The following PTDSS1 variants were observed in gnomAD, a reference collection of about 807,000 sequenced individuals.
The protein encoded by PTDSS1 is phosphatidylserine synthase 1.
Under a neutral mutation model 70.5 loss-of-function variants are expected in PTDSS1, and 45 were observed. The observed-to-expected ratio is 0.64, with a 90% CI of 0.50 to 0.82. The LOEUF (loss-of-function observed/expected upper bound fraction) is 0.82, where lower values mean the gene tolerates loss of function less well. PTDSS1 is among the 40% of genes least tolerant of loss of function. The pLI, the probability that PTDSS1 is intolerant of heterozygous loss-of-function variation, is 0.00. For missense variants in PTDSS1, 417 were observed against 586.1 expected, an observed-to-expected ratio of 0.71 and a Z score of 2.98; for synonymous variants, 188 against 203.8, an observed-to-expected ratio of 0.92 and a Z score of 0.66.
chr8:96,315,701 C>T (rs940312352), intron 9 of PTDSS1, among the ~76,000 whole-genome samples: 2 of 152,166 alleles, frequency 1.3e-5, no homozygotes, highest in African/African-American at 4.8e-5. Context: ...GCAGAAGCAC[C>T]TCAGGCTGCC....
chr8:96,284,024 A>G, intron 2 of PTDSS1, 85 bp from the exon 3 acceptor site: 1 of 1,082,924 alleles, frequency 9.2e-7, no homozygotes, highest in Non-Finnish European at 1.4e-6. Context: ...TCTTCTTGTT[A>G]TCTGTATGGA....
rs1811569677 is a variant in PTDSS1, at chr8:96,334,594, A to G, written c.*1028A>G. 2 of 152,632 alleles carry G rather than the reference A, an allele frequency of 1.3e-5. No individual in the cohort carries two copies. The highest frequency in any genetic ancestry group is 4.1e-4 in the South Asian group (2 of 4,828). 9.5% of individuals were successfully genotyped at this position (152,632 alleles called of 1,614,324 possible). ...GCTCATTTTCTTGCATCTTACTGGT[A>G]TCTTCTATTGATTGTAAGCAGTCTG... is the stretch of plus-strand genomic sequence containing the variant. On this transcript the variant is annotated 3_prime_UTR_variant, in exon 13 of 13. Transcript: ENST00000517309.
intron 4 of PTDSS1, among the ~76,000 whole-genome samples, chr8:96,289,603 A>G (rs568253395): frequency 3.3e-5 from 5 of 152,172 alleles, no homozygotes; most frequent in East Asian, 3.9e-4. Context: ...TTCTTTTCCA[A>G]TGTTTTTTAA....
At chr8:96,302,267 G>A (rs1261774151) in intron 6 of PTDSS1, among the ~76,000 whole-genome samples, 1 of 152,066 alleles carries the variant, frequency 6.6e-6, no homozygotes. Context: ...CCCAACCTCA[G>A]GTGATCTGCC....
At chr8:96,276,283 A>C (rs1810639728) in intron 2 of PTDSS1, among the ~76,000 whole-genome samples, 1 of 152,198 alleles carries the variant, frequency 6.6e-6, no homozygotes, top group Non-Finnish European at 1.5e-5. Context: ...AAAGGCACTG[A>C]AGGTTAGGGG....
chr8:96,307,091 T>C (rs1168633072), intron 8 of PTDSS1, among the ~76,000 whole-genome samples: 4 of 152,172 alleles, frequency 2.6e-5, no homozygotes, highest in African/African-American at 9.7e-5. Context: ...TGTGGGGCCC[T>C]AGAGGTGAGG....
chr8:96,291,452 C>CTTTT (rs200644968), intron 4 of PTDSS1, among the ~76,000 whole-genome samples: 2 of 123,632 alleles, frequency 1.6e-5, no homozygotes, highest in Admixed American at 8.2e-5. Flanking sequence ...ATGGGCTTTT[C>CTTTT]TTTTTTTTTT....
Position 96,323,502 on chromosome 8 carries a change from T to A in PTDSS1, c.1173+3157T>A, listed in dbSNP as rs537464651. ...ACCACCATGGGTTATAGCTTATCCCTCCCAGAGTGGTAGCCCAAGCCACAC... is the reference window on the plus strand; with the variant it reads ...ACCACCATGGGTTATAGCTTATCCCACCCAGAGTGGTAGCCCAAGCCACAC... On this transcript the variant is annotated intron_variant, in intron 10 of 12. Coordinates refer to ENST00000517309, the MANE Select transcript of PTDSS1 (RefSeq NM_014754.3). 5.9e-5 allele frequency among the ~76,000 whole-genome samples: 9 copies of A among 152,242 alleles called. No individual in the cohort carries two copies. In the South Asian group the frequency reaches 1.5e-3, roughly 25 times the overall value.
In PTDSS1 at chr8:96,331,012, GTCTC is replaced by G; in HGVS notation, c.1243-9_1243-6del. On this transcript the variant is annotated splice_polypyrimidine_tract_variant and intron_variant, in intron 11 of 12. Transcript: ENST00000517309. Reference sequence around the variant, plus strand: ...TTCCTAAAATTCCTGCACTAAGCCTGTCTCTCTCCCTAGACCTACTCGGAGTGTG... The same window carrying G: ...TTCCTAAAATTCCTGCACTAAGCCTGTCTCCCTAGACCTACTCGGAGTGTG... The G allele has an allele frequency of 6.2e-7, 1 of 1,609,028 alleles. No homozygotes were observed. The highest frequency in any genetic ancestry group is 8.5e-7 in the Non-Finnish European group (1 of 1,175,542).
At chr8:96,274,414 G>A (rs1024473042) in intron 2 of PTDSS1, among the ~76,000 whole-genome samples, 6 of 151,966 alleles carry the variant, frequency 3.9e-5, no homozygotes, top group African/African-American at 7.3e-5. Flanking sequence ...TTTGAGATAC[G>A]AGTCATCTAG....
At chr8:96,317,319 C>T (rs1325243640) in intron 9 of PTDSS1, among the ~76,000 whole-genome samples, 1 of 151,754 alleles carries the variant, frequency 6.6e-6, no homozygotes, top group Non-Finnish European at 1.5e-5. Context: ...CCCTCACCTC[C>T]TCCTAGCCAC....
chr8:96,292,264 C>T (rs910029589), intron 4 of PTDSS1, among the ~76,000 whole-genome samples: 12 of 143,474 alleles, frequency 8.4e-5, no homozygotes, highest in South Asian at 2.2e-4. Flanking sequence ...GGTGCCACTG[C>T]GCTCCAGCCT....
At chr8:96,333,216 C>T (rs780419723) in intron 12 of PTDSS1, among the ~76,000 whole-genome samples, 2 of 152,188 alleles carry the variant, frequency 1.3e-5, no homozygotes, top group Admixed American at 6.5e-5. Context: ...GATGTACACA[C>T]GCTTCAGGAA....
intron 5 of PTDSS1, 21 bp from the exon 6 acceptor site, chr8:96,299,673 A>G (rs1406183570): frequency 8.8e-6 from 14 of 1,585,974 alleles, no homozygotes; most frequent in East Asian, 2.3e-5. Context: ...TTTTCCAACC[A>G]TGGGCTCTTG....
Position 96,330,225 on chromosome 8 carries a change from T to C in PTDSS1, c.1186T>C (p.Phe396Leu), listed in dbSNP as rs774267515. 31 of 1,612,818 alleles carry C rather than the reference T, an allele frequency of 1.9e-5. No homozygotes were observed. In the South Asian group the frequency reaches 3.4e-4, roughly 18 times the overall value. ...LWLLCVAFTT[F>L]LCLYGMIWYA... is the part of the protein sequence containing the mutation. ...TTTTCTCTTCCAGGCTTTCACCACT[T>C]TCCTCTGTCTGTACGGCATGATTTG... Residue 396 changes from phenylalanine to leucine, a missense_variant, in exon 11 of 13, where the codon TTC becomes CTC. By Grantham distance (22) the Phe-to-Leu change is conservative. Around this residue, in one of 3 missense-constraint regions of PTDSS1, gnomAD observed 107 missense variants for 122.3 expected, o/e 0.88. Transcript: ENST00000517309.
chr8:96,282,794 C>G (rs575946242), intron 2 of PTDSS1, among the ~76,000 whole-genome samples: 18 of 152,186 alleles, frequency 1.2e-4, no homozygotes, highest in Non-Finnish European at 2.5e-4. Context: ...AGATTGCAAG[C>G]AACAGAAGCT....
In PTDSS1 at chr8:96,301,024, T is replaced by A. The variant is rs188602820; in HGVS notation, c.752+1179T>A. Among the ~76,000 whole-genome samples the A allele has an allele frequency of 5.9e-5, 9 of 152,330 alleles. No homozygotes were observed. In the East Asian group the frequency reaches 1.7e-3, roughly 29 times the overall value. The stretch of plus-strand genomic sequence containing the variant: ...AAAATTGTGTGATACTGGATTTCTA[T>A]CAATTTCTATTGGATTTACCCTCTT... On this transcript the variant is annotated intron_variant, in intron 6 of 12. Transcript: ENST00000517309.
intron 2 of PTDSS1, among the ~76,000 whole-genome samples, chr8:96,280,086 A>G (rs1810713723): frequency 6.6e-6 from 1 of 152,150 alleles, no homozygotes; most frequent in Admixed American, 6.5e-5. Flanking sequence ...AATTTTTTCT[A>G]GGTATAACAG....
chr8:96,331,610 T>G (rs1365358264), intron 12 of PTDSS1, among the ~76,000 whole-genome samples: 3 of 150,854 alleles, frequency 2.0e-5, no homozygotes, highest in Non-Finnish European at 2.9e-5. Context: ...AAAAGAAACA[T>G]GCAAAATGCT....
Sources: gnomAD v4.1 joint callset for allele counts (sites outside exome capture counted in the v4.1 genomes callset) on GRCh38, gnomAD v4.1.1 for gene constraint, gnomAD v4.1.1 regional missense constraint, MANE v1.5 for transcripts, NCBI Gene and HGNC (gene_info 2026-07-23, HGNC 2026-07-21) for gene names.